Variants in NPPC observed in about 807,000 individuals in gnomAD.
NPPC encodes the protein C-type natriuretic peptide.
In NPPC, 4 loss-of-function variants were observed where a neutral mutation model predicts 10.2. The ratio of observed to expected loss-of-function variants is 0.39; its 90% CI spans 0.19 to 0.90. NPPC has a LOEUF of 0.90. Ranked by LOEUF, NPPC falls within the 40% of genes least tolerant of loss-of-function variation. The pLI, the probability that NPPC is intolerant of heterozygous loss-of-function variation, is 0.37. For synonymous variants in NPPC, 83 were observed against 87.3 expected (o/e 0.95, Z 0.27); for missense variants, 182 against 173.8 (o/e 1.05, Z -0.26).
chr2:231,924,152 T>C (rs757295203), intron 2 of NPPC, among the ~76,000 whole-genome samples: 5 of 152,196 alleles, frequency 3.3e-5, no homozygotes, highest in Admixed American at 6.6e-5. Flanking sequence ...GGAGTGGCCA[T>C]GGGCCAGGGT....
In NPPC at chr2:231,925,758, C is replaced by T. The variant is rs750344773; in HGVS notation, c.91-43G>A. ...GGGCAGGTGAAGGGACACGCGGCTG[C>T]AGCACGGGGGACTCTGATGCTCCAG... On this transcript the variant is annotated intron_variant, in intron 1 of 2. Transcript: ENST00000409852. 19 of 1,479,346 alleles carry T rather than the reference C, an allele frequency of 1.3e-5. No individual in the cohort carries two copies. In the Admixed American group the frequency reaches 3.9e-4, roughly 30 times the overall value. The allele number at this position is 1,479,346 out of a possible 1,614,324, so 91.6% of individuals were successfully genotyped here.
chr2:231,925,225 A>C (rs570562475), intron 2 of NPPC, among the ~76,000 whole-genome samples, 180 bp downstream of exon 2: 3 of 152,214 alleles, frequency 2.0e-5, no homozygotes, highest in Non-Finnish European at 4.4e-5. Flanking sequence ...GACCTTGCCA[A>C]AGTTCCCCGA....
chr2:231,925,064 C>T (rs1375059818), intron 2 of NPPC, among the ~76,000 whole-genome samples: 1 of 152,202 alleles, frequency 6.6e-6, no homozygotes, highest in Non-Finnish European at 1.5e-5. Context: ...TCCCACAAAC[C>T]CATGATCTCC....
intron 2 of NPPC, 48 bp downstream of exon 2, chr2:231,925,357 G>C: frequency 7.2e-7 from 1 of 1,394,334 alleles, no homozygotes; most frequent in Non-Finnish European, 9.3e-7. Flanking sequence ...TGGGCGGCGG[G>C]CGGTCCCGGG....
chr2:231,926,092 G>T (rs1692003513), intron 1 of NPPC, 68 bp downstream of exon 1: 28 of 1,134,984 alleles, frequency 2.5e-5, no homozygotes, highest in Non-Finnish European at 3.2e-5. Flanking sequence ...GGTCCTGCGC[G>T]CCGCATTCTC....
chr2:231,925,321 C>T lies in NPPC; in HGVS notation c.*20+84G>A, dbSNP rs1205628094. 7.0e-5 allele frequency: 84 copies of T among 1,192,344 alleles called. 2 individuals are homozygous for T. The East Asian group carries it at 2.6e-3, about 37-fold the overall frequency. The allele number at this position is 1,192,344 out of a possible 1,614,324, so 73.9% of individuals were successfully genotyped here. A position where few individuals can be genotyped will look rare whatever the true frequency, so the allele number is the denominator to read the frequency against. On this transcript the variant is annotated intron_variant, in intron 2 of 2. Coordinates refer to ENST00000409852, the MANE Select transcript of NPPC (RefSeq NM_024409.4). ...ACGCCTAGCACAACTTGAGCAAAGG[C>T]GGCTCGCGCGCCTCCGAAGGCCGGC...
In NPPC at chr2:231,925,417, G is replaced by A. The variant is rs763141077; in HGVS notation, c.*8C>T. 6.3e-7 allele frequency: 1 copy of A among 1,589,908 alleles called. No homozygotes were observed. Among genetic ancestry groups the A allele is most frequent in the Non-Finnish European group, 8.6e-7 (1 of 1,166,562 alleles). On this transcript the variant is annotated 3_prime_UTR_variant, in exon 2 of 3. Transcript: ENST00000409852. ...GGGCCGTACTCACCGCCGCCAGGGG[G>A]CGCCGCACTAACATCCCAGGCCGCT...
intron 2 of NPPC, among the ~76,000 whole-genome samples, chr2:231,924,535 T>C (rs1273969824): frequency 1.3e-5 from 2 of 152,146 alleles, no homozygotes. Context: ...TGTCAGAGGC[T>C]GGGATGTTAT....
intron 2 of NPPC, 168 bp downstream of exon 2, chr2:231,925,237 C>T (rs1366489736): frequency 1.7e-6 from 1 of 588,308 alleles, no homozygotes; most frequent in Non-Finnish European, 2.7e-6. Flanking sequence ...GTTCCCCGAT[C>T]ACGTTATCCT....
chr2:231,925,948 G>A (rs1462648852), intron 1 of NPPC, among the ~76,000 whole-genome samples: 3 of 152,202 alleles, frequency 2.0e-5, no homozygotes, highest in Non-Finnish European at 4.4e-5. Flanking sequence ...CCACACTGGG[G>A]TAGGGGGCTG....
At position 231,922,079 on chromosome 2, in the gene NPPC, T is replaced by A. The variant is rs1691936789; in HGVS notation, c.*257A>T. 1 of 150,660 alleles carries A rather than the reference T, an allele frequency of 6.6e-6. No homozygotes were observed. The highest frequency in any genetic ancestry group is 1.5e-5 in the Non-Finnish European group (1 of 67,688). The allele number at this position is 150,660 out of a possible 1,614,324, so 9.3% of individuals were successfully genotyped here. A position where few individuals can be genotyped will look rare whatever the true frequency, so the allele number is the denominator to read the frequency against. On this transcript the variant is annotated 3_prime_UTR_variant, in exon 3 of 3. Coordinates refer to ENST00000409852, the MANE Select transcript of NPPC (RefSeq NM_024409.4). ...TCGGTGTAGGTGTGTGTGTTTCATG[T>A]ATATAATATATATATAATATATAAC...
rs1692007879 is a variant in NPPC at position 231,926,278 on chromosome 2, G to C, written c.-29C>G. ...GCCGCTGGGGTCGAGGGGCGCACAC[G>C]GGCGGCAGCGAGGGCGCGCAGGTCG... is the stretch of plus-strand genomic sequence containing the variant. On this transcript the variant is annotated 5_prime_UTR_variant, in exon 1 of 3. Transcript: ENST00000409852. 3.9e-6 allele frequency: 5 copies of C among 1,271,236 alleles called. No individual in the cohort carries two copies. Among genetic ancestry groups the C allele is most frequent in the Non-Finnish European group, 4.0e-6 (4 of 1,005,986 alleles). The allele number at this position is 1,271,236 out of a possible 1,614,324, so 78.7% of individuals were successfully genotyped here. A position where few individuals can be genotyped will look rare whatever the true frequency, so the allele number is the denominator to read the frequency against.
At chr2:231,924,371 G>A (rs948068588) in intron 2 of NPPC, among the ~76,000 whole-genome samples, 1 of 152,362 alleles carries the variant, frequency 6.6e-6, no homozygotes, top group East Asian at 1.9e-4. Context: ...GAGAAGATCC[G>A]ACACTGACAA....
intron 2 of NPPC, among the ~76,000 whole-genome samples, chr2:231,923,526 G>T (rs1420205490): frequency 6.6e-6 from 1 of 152,204 alleles, no homozygotes; most frequent in African/African-American, 2.4e-5. Flanking sequence ...GGGGCAGTGA[G>T]GGTGGGGTTT....
At chr2:231,924,056 C>G (rs537405330) in intron 2 of NPPC, among the ~76,000 whole-genome samples, 1 of 152,348 alleles carries the variant, frequency 6.6e-6, no homozygotes, top group African/African-American at 2.4e-5. Flanking sequence ...CAACTACAGC[C>G]TTTGCAGAAC....
intron 2 of NPPC, among the ~76,000 whole-genome samples, chr2:231,925,051 T>C (rs1470968356): frequency 6.6e-6 from 1 of 152,210 alleles, no homozygotes; most frequent in Non-Finnish European, 1.5e-5. Flanking sequence ...CTTCCTTCTC[T>C]GCTCCCACAA....
In NPPC at chr2:231,925,505, C is replaced by T. The variant is rs777845655; in HGVS notation, c.301G>A (p.Ala101Thr). Reference sequence around the variant, plus strand: ...CCCTTGGACAAGCCCTTCTTGTTGGCTCCTTTGTATTTGCGCGCGTTGGGG... The same window carrying T: ...CCCTTGGACAAGCCCTTCTTGTTGGTTCCTTTGTATTTGCGCGCGTTGGGG... ...EHPNARKYKG[A>T]NKKGLSKGCF... Residue 101 changes from alanine to threonine, a missense_variant, in exon 2 of 3, where the codon GCC becomes ACC. Coordinates refer to ENST00000409852, the MANE Select transcript of NPPC (RefSeq NM_024409.4). 4 of 1,613,090 alleles carry T rather than the reference C, an allele frequency of 2.5e-6. No individual in the cohort carries two copies. Among genetic ancestry groups the T allele is most frequent in the Admixed American group, 3.3e-5 (2 of 60,008 alleles).
chr2:231,923,231 C>T (rs531941338), intron 2 of NPPC, among the ~76,000 whole-genome samples: 1 of 152,356 alleles, frequency 6.6e-6, no homozygotes, highest in African/African-American at 2.4e-5. Flanking sequence ...TGACAGCTGT[C>T]TGTGATGTTG....
In NPPC at chr2:231,925,494, C is replaced by T. The variant is rs563716612; in HGVS notation, c.312G>A (p.Lys104=). 3.1e-6 allele frequency: 5 copies of T among 1,613,124 alleles called. No individual in the cohort carries two copies. The highest frequency in any genetic ancestry group is 1.7e-4 in the Middle Eastern group (1 of 6,058). ...GGCCGAAGCAGCCCTTGGACAAGCCCTTCTTGTTGGCTCCTTTGTATTTGC... is the reference window on the plus strand; with the variant it reads ...GGCCGAAGCAGCCCTTGGACAAGCCTTTCTTGTTGGCTCCTTTGTATTTGC... ...NARKYKGANK[K]GLSKGCFGLK... is the part of the protein sequence containing the mutation. Residue 104 remains lysine, a synonymous_variant, in exon 2 of 3, where the codon AAG becomes AAA. Coordinates refer to ENST00000409852, the MANE Select transcript of NPPC (RefSeq NM_024409.4).
Sources: gnomAD v4.1 joint callset for allele counts (sites outside exome capture counted in the v4.1 genomes callset) on GRCh38, gnomAD v4.1.1 for gene constraint, MANE v1.5 for transcripts, NCBI Gene and HGNC (gene_info 2026-07-23, HGNC 2026-07-21) for gene names.